The following ANP32B variants were observed in gnomAD, a reference collection of about 807,000 sequenced individuals.
ANP32B encodes the protein acidic leucine-rich nuclear phosphoprotein 32 family member B.
In ANP32B, 6 loss-of-function variants were observed where a neutral mutation model predicts 32.2. The ratio of observed to expected loss-of-function variants is 0.19; its 90% confidence interval spans 0.10 to 0.37. The LOEUF (loss-of-function observed/expected upper bound fraction) is 0.37. Among genes scored for constraint, ANP32B ranks in the 10% least tolerant of loss-of-function variants. ANP32B has a pLI of 1.00. For missense variants in ANP32B, 204 were observed against 289.2 expected, an observed-to-expected ratio of 0.71 and a Z score of 2.14; for synonymous variants, 98 against 105.8, an observed-to-expected ratio of 0.93 and a Z score of 0.45.
At chr9:98,010,345 G>T (rs1828162433) in intron 4 of ANP32B, among the ~76,000 whole-genome samples, 1 of 151,522 alleles carries the variant, frequency 6.6e-6, no homozygotes, top group Non-Finnish European at 1.5e-5. Context: ...CACTTGGGGA[G>T]GGTGAGGCAG....
chr9:97,984,637 T>TGCCC (rs909900826), intron 1 of ANP32B: 7 of 150,348 alleles, frequency 4.7e-5, no homozygotes, highest in Admixed American at 1.3e-4. Context: ...AGCTTGGCCT[T>TGCCC]GCCCGCCCGC....
rs541701870 is a variant in ANP32B at position 98,005,260 on chromosome 9, A to T, written c.517+107A>T. On this transcript the variant is annotated intron_variant, in intron 4 of 6. Transcript: ENST00000339399. ...AGTGGCACACAACCGTAATCCCAGC[A>T]CTTTGGGTGGCCGAGGCAGGGGGCA... 1.9e-5 allele frequency: 22 copies of T among 1,133,350 alleles called. No individual in the cohort carries two copies. In the East Asian group the frequency reaches 4.9e-4, roughly 25 times the overall value. 70.2% of individuals were successfully genotyped at this position (1,133,350 alleles called of 1,614,324 possible).
intron 4 of ANP32B, 60 bp from the exon 5 acceptor site, chr9:98,011,211 C>A: frequency 6.6e-7 from 1 of 1,520,500 alleles, no homozygotes; most frequent in African/African-American, 1.4e-5. Flanking sequence ...AGATCCTCAA[C>A]ACTTTGTCCC....
chr9:97,984,223 C>A (rs923783936), intron 1 of ANP32B, among the ~76,000 whole-genome samples: 3 of 150,620 alleles, frequency 2.0e-5, no homozygotes, highest in African/African-American at 7.3e-5. Context: ...CGGGCGCGGC[C>A]CGGCGCGCGG....
chr9:97,988,852 C>T (rs891757008), intron 1 of ANP32B, among the ~76,000 whole-genome samples: 4 of 152,142 alleles, frequency 2.6e-5, no homozygotes, highest in Admixed American at 6.5e-5. Context: ...GAATTACTTT[C>T]TATATTTTGG....
intron 4 of ANP32B, among the ~76,000 whole-genome samples, chr9:98,007,827 T>C (rs1207467341): frequency 1.3e-5 from 2 of 152,178 alleles, no homozygotes; most frequent in Non-Finnish European, 1.5e-5. Context: ...TTAACCCATG[T>C]CTGTTCACGC....
intron 4 of ANP32B, among the ~76,000 whole-genome samples, chr9:98,007,229 C>T (rs562865231): frequency 6.6e-6 from 1 of 152,250 alleles, no homozygotes; most frequent in African/African-American, 2.4e-5. Context: ...AGTAAGAAGC[C>T]CTTTACTATT....
At chr9:98,006,009 A>G (rs4743152) in intron 4 of ANP32B, among the ~76,000 whole-genome samples, 88,330 of 151,938 alleles carry the variant, frequency 0.58, 27,595 homozygotes, top group African/African-American at 0.82. Context: ...TCTCATAGGA[A>G]CGAGAATCCT....
At chr9:97,994,602 G>A in intron 1 of ANP32B, 29 bp from the exon 2 acceptor site, 2 of 1,549,422 alleles carry the variant, frequency 1.3e-6, no homozygotes, top group Non-Finnish European at 1.7e-6. Flanking sequence ...GTTTTTGAGA[G>A]CTTATCCTTT....
At chr9:98,014,251 CAA>C (rs776855401) in intron 6 of ANP32B, among the ~76,000 whole-genome samples, 1 of 151,604 alleles carries the variant, frequency 6.6e-6, no homozygotes, top group Admixed American at 6.6e-5. Flanking sequence ...ACTAAAAATA[CAA>C]AAAAATTAGC....
Position 97,992,514 on chromosome 9 carries a change from C to CT in ANP32B, c.55-2116dup, listed in dbSNP as rs557661363. On this transcript the variant is annotated intron_variant, in intron 1 of 6. Transcript: ENST00000339399. ...TTAAGAGGTGATTTCACTCTGTGAGCTGAGAGGCAGTGTGGCTAACTCTTA... is the reference window on the plus strand; with the variant it reads ...TTAAGAGGTGATTTCACTCTGTGAGCTTGAGAGGCAGTGTGGCTAACTCTTA... Among the ~76,000 whole-genome samples, 509 of 152,320 alleles carry CT rather than the reference C, an allele frequency of 3.3e-3. 3 individuals carry two copies. The highest frequency in any genetic ancestry group is 0.012 in the African/African-American group (483 of 41,570).
chr9:97,996,426 G>T (rs796932293), intron 2 of ANP32B, among the ~76,000 whole-genome samples: 8 of 152,236 alleles, frequency 5.3e-5, no homozygotes, highest in African/African-American at 1.9e-4. Flanking sequence ...TGTTGGTTTT[G>T]GGTGGGAGGG....
chr9:97,991,569 T>G (rs958958911), intron 1 of ANP32B, among the ~76,000 whole-genome samples: 3 of 152,178 alleles, frequency 2.0e-5, no homozygotes, highest in Admixed American at 6.5e-5. Flanking sequence ...AGCCAGAATT[T>G]CCGTAATCGA....
chr9:97,994,983 C>T (rs1222465194), intron 2 of ANP32B, among the ~76,000 whole-genome samples: 1 of 152,180 alleles, frequency 6.6e-6, no homozygotes, highest in African/African-American at 2.4e-5. Flanking sequence ...CCAATTTCCT[C>T]ACCTGTAAAC....
At chr9:97,995,886 G>A (rs1002020003) in intron 2 of ANP32B, among the ~76,000 whole-genome samples, 2 of 146,550 alleles carry the variant, frequency 1.4e-5, no homozygotes, top group Admixed American at 6.9e-5. Context: ...AAATCACACC[G>A]CTGCATTCCA....
Position 98,005,139 on chromosome 9 carries a change from A to T in ANP32B, c.503A>T (p.Glu168Val). The change falls in exon 4 of 7, where the codon GAG (glutamate) becomes GTG (valine). Residue 168 changes from glutamate (E) to valine (V), a missense_variant. Coordinates refer to ENST00000339399, the MANE Select transcript of ANP32B (RefSeq NM_006401.3). Reference protein sequence around the residue: ...SDAEVDGVDEEEEDEEGEDEE... With the variant: ...SDAEVDGVDEVEEDEEGEDEE... Reference sequence around the variant, plus strand: ...GCCGAGGTGGATGGTGTGGATGAAGAGGAGGAGGACGAAGGTGAGTAGGCT... The same window carrying T: ...GCCGAGGTGGATGGTGTGGATGAAGTGGAGGAGGACGAAGGTGAGTAGGCT... 5 of 1,613,278 alleles carry T rather than the reference A, an allele frequency of 3.1e-6. No homozygotes were observed. The highest frequency in any genetic ancestry group is 4.2e-6 in the Non-Finnish European group (5 of 1,179,700).
Position 97,998,601 on chromosome 9 carries a change from G to A in ANP32B, c.250G>A (p.Ala84Thr), listed in dbSNP as rs753976201. 1.4e-5 allele frequency: 22 copies of A among 1,612,578 alleles called. 1 individual carries two copies. In the South Asian group the frequency reaches 2.1e-4, roughly 15 times the overall value. The change falls in exon 3 of 7, where the codon GCT becomes ACT. Residue 84 changes from alanine to threonine, a missense_variant. Coordinates refer to ENST00000339399, the MANE Select transcript of ANP32B (RefSeq NM_006401.3). ...AATCTTTGGAGGTCTGGACATGTTA[G>A]CTGAAAAACTTCCAAATCTCACACA... ...NRIFGGLDML[A>T]EKLPNLTHLN...
chr9:97,997,307 T>G (rs1459635544), intron 2 of ANP32B, among the ~76,000 whole-genome samples: 1 of 152,234 alleles, frequency 6.6e-6, no homozygotes, highest in Non-Finnish European at 1.5e-5. Flanking sequence ...TTTCTTCTTC[T>G]GAAATATTTA....
chr9:97,989,625 C>T, intron 1 of ANP32B, among the ~76,000 whole-genome samples: 1 of 152,086 alleles, frequency 6.6e-6, no homozygotes, highest in East Asian at 1.9e-4. Context: ...GGCCTTTTCT[C>T]CTTTGATTAG....
Sources: allele counts gnomAD v4.1 joint callset (sites outside exome capture counted in the v4.1 genomes callset), GRCh38; gene constraint gnomAD v4.1.1; transcripts MANE v1.5; gene names NCBI Gene and HGNC (gene_info 2026-07-23, HGNC 2026-07-21).